KHDRBS2: variants seen among roughly 807,000 people sequenced by gnomAD.
KHDRBS2 encodes the protein KH domain-containing, RNA-binding, signal transduction-associated protein 2.
In KHDRBS2, 26 loss-of-function variants were observed where a neutral mutation model predicts 44.3. That is an observed-to-expected ratio of 0.59 (90% CI 0.43 to 0.81). The LOEUF (loss-of-function observed/expected upper bound fraction) is 0.81. KHDRBS2 is among the 40% of genes least tolerant of loss of function. The pLI is 0.00. For synonymous variants in KHDRBS2, 194 were observed against 151.1 expected (o/e 1.28, Z -2.08); for missense variants, 476 against 433.1 (o/e 1.10, Z -0.88).
At chr6:61,996,791 C>T (rs1226428189) in intron 3 of KHDRBS2, among the ~76,000 whole-genome samples, 1 of 148,954 alleles carries the variant, frequency 6.7e-6, no homozygotes, top group Non-Finnish European at 1.5e-5. Flanking sequence ...TCCTCCCCCC[C>T]TCACCCCCCC....
At chr6:62,044,925 G>A (rs1368476848) in intron 3 of KHDRBS2, among the ~76,000 whole-genome samples, 1 of 152,092 alleles carries the variant, frequency 6.6e-6, no homozygotes, top group Non-Finnish European at 1.5e-5. Flanking sequence ...ATGTAGGTAT[G>A]TGTCCTTGGA....
intron 4 of KHDRBS2, among the ~76,000 whole-genome samples, chr6:61,907,722 T>C (rs1039033599): frequency 1.3e-5 from 2 of 152,206 alleles, no homozygotes; most frequent in African/African-American, 4.8e-5. Flanking sequence ...TTTTAGAACA[T>C]ATACAATTTT....
At chr6:62,049,175 C>T (rs1237091431) in intron 2 of KHDRBS2, among the ~76,000 whole-genome samples, 3 of 151,492 alleles carry the variant, frequency 2.0e-5, no homozygotes, top group Non-Finnish European at 4.4e-5. Flanking sequence ...TGGTATAATG[C>T]CCAAAAAGAC....
chr6:61,812,384 T>A (rs1220546199), intron 6 of KHDRBS2, among the ~76,000 whole-genome samples: 2 of 152,024 alleles, frequency 1.3e-5, no homozygotes, highest in Non-Finnish European at 2.9e-5. Context: ...AAATAATAAC[T>A]CCAAAGACAA....
intron 6 of KHDRBS2, among the ~76,000 whole-genome samples, chr6:61,771,509 A>G (rs1780900618): frequency 1.3e-5 from 2 of 152,158 alleles, no homozygotes; most frequent in Non-Finnish European, 2.9e-5. Flanking sequence ...AAGCAAATGG[A>G]AGACAAAAAA....
chr6:61,693,940 G>A (rs144435839), intron 8 of KHDRBS2, among the ~76,000 whole-genome samples: 4 of 152,188 alleles, frequency 2.6e-5, no homozygotes, highest in South Asian at 4.2e-4. Flanking sequence ...ATAGCATTAC[G>A]TGGCATTGAC....
At position 61,722,083 on chromosome 6, in the gene KHDRBS2, A is replaced by C. The variant is rs539370586; in HGVS notation, c.893+10599T>G. ...TCTGTTTATATGCTGGATTACATTTATTGATTTGCGTGTGTTGAACCAGCC... is the reference window on the plus strand; with the variant it reads ...TCTGTTTATATGCTGGATTACATTTCTTGATTTGCGTGTGTTGAACCAGCC... On this transcript the variant is annotated intron_variant, in intron 7 of 8. Transcript: ENST00000281156. Among the ~76,000 whole-genome samples the C allele has an allele frequency of 2.6e-5, 4 of 152,202 alleles. No individual in the cohort carries two copies. The South Asian group carries it at 8.3e-4, about 32-fold the overall frequency.
At chr6:61,555,198 A>T in the KHDRBS2 span, among the ~76,000 whole-genome samples, 1 of 152,142 alleles carries the variant, frequency 6.6e-6, no homozygotes, top group East Asian at 1.9e-4. Context: ...AGTTTTGTTC[A>T]TTCAACTTTA....
intron 1 of KHDRBS2, among the ~76,000 whole-genome samples, chr6:62,202,313 TG>T (rs1327790892): frequency 6.6e-6 from 1 of 152,092 alleles, no homozygotes; most frequent in Admixed American, 6.6e-5. Context: ...CATCATCTGT[TG>T]GTAACCTAAA....
the KHDRBS2 span, among the ~76,000 whole-genome samples, chr6:61,660,085 G>A: frequency 1.3e-5 from 2 of 151,828 alleles, no homozygotes; most frequent in East Asian, 3.9e-4. Flanking sequence ...ACACATCTGA[G>A]AGTAAAATGT....
In KHDRBS2 at chr6:62,060,613, C is replaced by G. The variant is rs1012293508; in HGVS notation, c.220-12619G>C. Among the ~76,000 whole-genome samples, 8 of 134,534 alleles carry G rather than the reference C, an allele frequency of 5.9e-5. No individual in the cohort carries two copies. The East Asian group carries it at 1.1e-3, about 18-fold the overall frequency. 88.3% of individuals were successfully genotyped at this position (134,534 alleles called of 152,430 possible). A position where few individuals can be genotyped will look rare whatever the true frequency, so the allele number is the denominator to read the frequency against. The stretch of plus-strand genomic sequence containing the variant: ...AAGGTCTCTCTCTCTCTCTCTGTCT[C>G]TCTCTCTCTCTCTCTCTCTCTATAT... On this transcript the variant is annotated intron_variant, in intron 2 of 8. Transcript: ENST00000281156.
intron 7 of KHDRBS2, among the ~76,000 whole-genome samples, chr6:61,702,108 T>C (rs1229282017): frequency 6.6e-6 from 1 of 151,908 alleles, no homozygotes; most frequent in East Asian, 1.9e-4. Context: ...AGCATTGGGC[T>C]ATAGAAGACT....
the KHDRBS2 span, among the ~76,000 whole-genome samples, chr6:61,580,999 T>C: frequency 1.5e-3 from 223 of 152,176 alleles, 4 homozygotes; most frequent in African/African-American, 5.2e-3. Flanking sequence ...TAATGAAACA[T>C]AATATAGAAG....
intron 6 of KHDRBS2, among the ~76,000 whole-genome samples, chr6:61,757,481 G>GT (rs1228362671): frequency 2.0e-5 from 3 of 152,022 alleles, no homozygotes; most frequent in East Asian, 1.9e-4. Flanking sequence ...TTTAAAATGT[G>GT]TTTTTTGTAG....
the KHDRBS2 span, among the ~76,000 whole-genome samples, chr6:61,584,943 T>C: frequency 2.0e-5 from 3 of 152,026 alleles, no homozygotes; most frequent in African/African-American, 2.4e-5. Flanking sequence ...ATTTTCTTTT[T>C]CATATTGACA....
intron 4 of KHDRBS2, among the ~76,000 whole-genome samples, chr6:61,930,640 T>G (rs1260726103): frequency 7.0e-6 from 1 of 142,168 alleles, no homozygotes; most frequent in African/African-American, 2.7e-5. Flanking sequence ...GAGGTTGCAG[T>G]GAGCCAAGAT....
At chr6:61,811,163 T>G (rs1181229799) in intron 6 of KHDRBS2, among the ~76,000 whole-genome samples, 1 of 152,134 alleles carries the variant, frequency 6.6e-6, no homozygotes, top group Non-Finnish European at 1.5e-5. Flanking sequence ...TATGCCCTTA[T>G]ATACTCAAGA....
At chr6:62,228,043 A>T (rs1336539141) in intron 1 of KHDRBS2, among the ~76,000 whole-genome samples, 3 of 152,190 alleles carry the variant, frequency 2.0e-5, no homozygotes, top group Non-Finnish European at 4.4e-5. Flanking sequence ...TCATGAAATG[A>T]ATCAGGGTGG....
chr6:62,189,864 T>C lies in KHDRBS2; in HGVS notation c.92-12552A>G, dbSNP rs1231535550. ...AGGCTTGGCTGGGAAAAATGTAAGT[T>C]GTACTTTGGCTACACTTAGGTGAGA... On this transcript the variant is annotated intron_variant, in intron 1 of 8. Coordinates refer to ENST00000281156, the MANE Select transcript of KHDRBS2 (RefSeq NM_152688.4). Among the ~76,000 whole-genome samples the C allele has an allele frequency of 2.6e-5, 4 of 152,128 alleles. No individual in the cohort carries two copies. The East Asian group carries it at 5.8e-4, about 22-fold the overall frequency.
Sources: gnomAD v4.1 joint callset for allele counts (sites outside exome capture counted in the v4.1 genomes callset) on GRCh38, gnomAD v4.1.1 for gene constraint, MANE v1.5 for transcripts, NCBI Gene and HGNC (gene_info 2026-07-23, HGNC 2026-07-21) for gene names.